CBL: variants seen among roughly 807,000 people sequenced by gnomAD.
The protein encoded by CBL is E3 ubiquitin-protein ligase CBL.
CBL carries 45 observed loss-of-function variants against 96.9 expected under a neutral mutation model. The observed-to-expected ratio is 0.46, with a 90% confidence interval of 0.37 to 0.60. CBL has a LOEUF of 0.60. Among genes scored for constraint, CBL ranks in the 20% least tolerant of loss-of-function variants. CBL has a pLI of 0.00. For missense variants in CBL, 1,024 were observed against 1,143.5 expected (o/e 0.90, Z 1.51); for synonymous variants, 420 against 426.8 (o/e 0.98, Z 0.20).
chr11:119,216,538 A>AT (rs527379605), intron 1 of CBL, among the ~76,000 whole-genome samples: 3,400 of 151,634 alleles, frequency 0.022, 59 homozygotes, highest in Middle Eastern at 0.051. Flanking sequence ...TGCCCAGCTA[A>AT]TTTTTGTATT....
At chr11:119,293,978 C>G (rs548276774) in intron 12 of CBL, among the ~76,000 whole-genome samples, 17 of 152,332 alleles carry the variant, frequency 1.1e-4, no homozygotes, top group African/African-American at 3.8e-4. Context: ...AGGGCTTACT[C>G]TAATGTATTC....
intron 1 of CBL, among the ~76,000 whole-genome samples, chr11:119,222,925 C>A (rs1949422690): frequency 6.6e-6 from 1 of 151,988 alleles, no homozygotes; most frequent in African/African-American, 2.4e-5. Context: ...GTATATAATC[C>A]CAGCATTTTG....
At chr11:119,216,798 A>T (rs533472808) in intron 1 of CBL, among the ~76,000 whole-genome samples, 1 of 152,176 alleles carries the variant, frequency 6.6e-6, no homozygotes, top group South Asian at 2.1e-4. Context: ...CCCCCAAATA[A>T]CTACCCTCCC....
At chr11:119,259,764 A>G (rs904352175) in intron 2 of CBL, among the ~76,000 whole-genome samples, 1 of 152,236 alleles carries the variant, frequency 6.6e-6, no homozygotes, top group Non-Finnish European at 1.5e-5. Flanking sequence ...GGTGAGAACA[A>G]CTAAAAAATT....
In CBL at chr11:119,267,607, T is replaced by C. The variant is rs528690419; in HGVS notation, c.444-4128T>C. On this transcript the variant is annotated intron_variant, in intron 2 of 15. Transcript: ENST00000264033. ...AGCAATCCTGCATGGCTTCTCATACTCTGTGTTATTCTTCCTCACAGCACT... is the reference window on the plus strand; with the variant it reads ...AGCAATCCTGCATGGCTTCTCATACCCTGTGTTATTCTTCCTCACAGCACT... Among the ~76,000 whole-genome samples, 5 of 152,316 alleles carry C rather than the reference T, an allele frequency of 3.3e-5. No homozygotes were observed. In the East Asian group the frequency reaches 5.8e-4, roughly 18 times the overall value.
At chr11:119,266,018 CAAAAAA>C (rs398017759) in intron 2 of CBL, among the ~76,000 whole-genome samples, 3 of 76,038 alleles carry the variant, frequency 3.9e-5, no homozygotes, top group Non-Finnish European at 7.2e-5. Flanking sequence ...GACTCCATCT[CAAAAAA>C]AAAAAAAAAA....
rs1452002905 is a variant in CBL, at chr11:119,278,506, G to C, written c.1228-4G>C. 6.2e-7 allele frequency: 1 copy of C among 1,613,242 alleles called. No individual in the cohort carries two copies. The highest frequency in any genetic ancestry group is 8.5e-7 in the Non-Finnish European group (1 of 1,179,240). On this transcript the variant is annotated splice_polypyrimidine_tract_variant and splice_region_variant and intron_variant, in intron 8 of 15. Transcript: ENST00000264033. ...TCTGTTACTATCTTTTGCTTCTTCTGCAGGAATCAGAAGGTCAGGGCTGTC... is the reference window on the plus strand; with the variant it reads ...TCTGTTACTATCTTTTGCTTCTTCTCCAGGAATCAGAAGGTCAGGGCTGTC...
intron 1 of CBL, among the ~76,000 whole-genome samples, chr11:119,217,704 A>G (rs528664277): frequency 1.3e-5 from 2 of 152,156 alleles, no homozygotes; most frequent in Non-Finnish European, 2.9e-5. Flanking sequence ...TTTTAAATAA[A>G]TGGAAGTTGG....
At chr11:119,236,072 T>A (rs993044771) in intron 2 of CBL, among the ~76,000 whole-genome samples, 2 of 152,172 alleles carry the variant, frequency 1.3e-5, no homozygotes, top group African/African-American at 4.8e-5. Context: ...GAGATATAAT[T>A]CACATACCAT....
chr11:119,297,543 T>C, intron 14 of CBL, 62 bp downstream of exon 14: 1 of 1,261,052 alleles, frequency 7.9e-7, no homozygotes, highest in Non-Finnish European at 1.2e-6. Flanking sequence ...ACATGTAATA[T>C]TTGGCAATTG....
At chr11:119,227,780 C>T (rs761060910) in intron 1 of CBL, among the ~76,000 whole-genome samples, 10 of 152,154 alleles carry the variant, frequency 6.6e-5, no homozygotes, top group Non-Finnish European at 1.3e-4. Context: ...GAACTCCTGA[C>T]CTCAGGTGAT....
chr11:119,230,357 G>A (rs1437128714), intron 1 of CBL, among the ~76,000 whole-genome samples: 1 of 151,734 alleles, frequency 6.6e-6, no homozygotes, highest in African/African-American at 2.4e-5. Context: ...TTTCACCGTG[G>A]TCTGGATCTC....
In CBL at chr11:119,307,917, TAAGAAA is replaced by T. The variant is rs1267072634; in HGVS notation, c.*8139_*8144del. On this transcript the variant is annotated 3_prime_UTR_variant, in exon 16 of 16. Transcript: ENST00000264033. ...TTTAATCATTCTCACCTGTAAAGAA[TAAGAAA>T]AACAGAAGGTAAATATTCTTACAGA... The T allele has an allele frequency of 3.5e-5, 7 of 200,126 alleles. No homozygotes were observed. The highest frequency in any genetic ancestry group is 5.2e-5 in the Non-Finnish European group (5 of 96,770). The allele number at this position is 200,126 out of a possible 1,614,324, so 12.4% of individuals were successfully genotyped here. A position where few individuals can be genotyped will look rare whatever the true frequency, so the allele number is the denominator to read the frequency against.
intron 1 of CBL, among the ~76,000 whole-genome samples, chr11:119,227,265 G>T (rs1205176295): frequency 1.3e-5 from 2 of 152,104 alleles, no homozygotes; most frequent in East Asian, 3.9e-4. Flanking sequence ...CATGTTTAAG[G>T]TAGGCTAGCT....
chr11:119,221,841 A>G (rs1478407688), intron 1 of CBL, among the ~76,000 whole-genome samples: 2 of 152,134 alleles, frequency 1.3e-5, no homozygotes, highest in African/African-American at 4.8e-5. Context: ...GGAGTTTTTA[A>G]AATTTGAAGC....
chr11:119,274,097 T>C, intron 4 of CBL, 73 bp downstream of exon 4: 1 of 1,129,260 alleles, frequency 8.9e-7, no homozygotes, highest in Non-Finnish European at 1.3e-6. Context: ...TTTTTTTTTT[T>C]TAAATAACAT....
chr11:119,254,630 C>G (rs1328931703), intron 2 of CBL, among the ~76,000 whole-genome samples: 1 of 151,134 alleles, frequency 6.6e-6, no homozygotes, highest in Non-Finnish European at 1.5e-5. Context: ...GAGACAGAGT[C>G]TCGTCCTGTC....
At chr11:119,249,697 C>T (rs1308952037) in intron 2 of CBL, among the ~76,000 whole-genome samples, 1 of 150,380 alleles carries the variant, frequency 6.6e-6, no homozygotes, top group African/African-American at 2.4e-5. Context: ...ACAGGGTCTC[C>T]CTTTATCTCC....
At position 119,277,776 on chromosome 11, in the gene CBL, C is replaced by G. The variant is rs765471101; in HGVS notation, c.1027C>G (p.Arg343Gly). The G allele has an allele frequency of 6.2e-7, 1 of 1,613,542 alleles. No individual in the cohort carries two copies. The highest frequency in any genetic ancestry group is 8.5e-7 in the Non-Finnish European group (1 of 1,179,518). The change falls in exon 7 of 16, where the codon CGA (arginine) becomes GGA (glycine). Residue 343 changes from arginine to glycine, a missense_variant. Transcript: ENST00000264033. ...TTACAGCTATTTGTTTCCTGATGGA[C>G]GAAATCAGAATCCTGATCTGACTGG... ...REGFYLFPDG[R>G]NQNPDLTGLC...
Sources: allele counts gnomAD v4.1 joint callset (sites outside exome capture counted in the v4.1 genomes callset), GRCh38; gene constraint gnomAD v4.1.1; transcripts MANE v1.5; gene names NCBI Gene and HGNC (gene_info 2026-07-23, HGNC 2026-07-21).